The following KCNK2 variants were observed in gnomAD, a reference collection of about 807,000 sequenced individuals.
KCNK2 encodes potassium two pore domain channel subfamily K member 2.
A neutral mutation model predicts 40.5 loss-of-function variants in KCNK2; 21 were observed. The observed-to-expected ratio is 0.52, with a 90% CI of 0.37 to 0.75. The LOEUF is 0.75. Ranked by LOEUF, KCNK2 falls within the 30% of genes least tolerant of loss-of-function variation. The pLI is 0.00. For missense variants in KCNK2, 399 were observed against 531.6 expected (o/e 0.75, Z 2.45); for synonymous variants, 191 against 202.2 (o/e 0.94, Z 0.47).
chr1:215,023,031 G>C (rs1367618323), intron 1 of KCNK2, among the ~76,000 whole-genome samples: 2 of 152,214 alleles, frequency 1.3e-5, no homozygotes, highest in Non-Finnish European at 2.9e-5. Flanking sequence ...AGTATGAACA[G>C]TATGCCTGTT....
At chr1:215,129,324 T>TTTTG (rs747358943) in intron 3 of KCNK2, among the ~76,000 whole-genome samples, 1 of 152,292 alleles carries the variant, frequency 6.6e-6, no homozygotes, top group Admixed American at 6.5e-5. Flanking sequence ...TACCCCCATT[T>TTTTG]TTTGTTTGTT....
intron 1 of KCNK2, among the ~76,000 whole-genome samples, chr1:215,051,392 G>T (rs1375174285): frequency 6.6e-6 from 1 of 152,140 alleles, no homozygotes; most frequent in Non-Finnish European, 1.5e-5. Flanking sequence ...CAATTACAGA[G>T]CTGTCTTGTT....
At chr1:215,137,220 A>G (rs1360026532) in intron 3 of KCNK2, among the ~76,000 whole-genome samples, 1 of 152,206 alleles carries the variant, frequency 6.6e-6, no homozygotes, top group East Asian at 1.9e-4. Context: ...TGATCACTTA[A>G]CAAGGTCAAT....
intron 1 of KCNK2, among the ~76,000 whole-genome samples, chr1:215,055,648 T>C (rs1658132509): frequency 6.6e-6 from 1 of 152,256 alleles, no homozygotes; most frequent in African/African-American, 2.4e-5. Flanking sequence ...TTTTCTAGTC[T>C]TTCTTCTTTC....
intron 1 of KCNK2, among the ~76,000 whole-genome samples, chr1:215,056,961 T>A: frequency 6.6e-6 from 1 of 152,214 alleles, no homozygotes; most frequent in East Asian, 1.9e-4. Flanking sequence ...ATAATATGAG[T>A]ATTTATCTAA....
At chr1:215,165,505 A>G (rs952818388) in intron 3 of KCNK2, among the ~76,000 whole-genome samples, 1 of 152,186 alleles carries the variant, frequency 6.6e-6, no homozygotes, top group Non-Finnish European at 1.5e-5. Context: ...GAGGCTAAAT[A>G]CACTGATCCT....
intron 3 of KCNK2, among the ~76,000 whole-genome samples, chr1:215,147,525 T>C (rs769292704): frequency 2.0e-5 from 3 of 152,202 alleles, no homozygotes; most frequent in Non-Finnish European, 4.4e-5. Flanking sequence ...TAGCTTTGAC[T>C]CACTTTTCTA....
chr1:215,197,422 A>T (rs1664908487), intron 6 of KCNK2, among the ~76,000 whole-genome samples: 1 of 152,104 alleles, frequency 6.6e-6, no homozygotes, highest in African/African-American at 2.4e-5. Flanking sequence ...CTGTGTCTTC[A>T]TATGGCCTTT....
chr1:215,198,790 A>C (rs1664968802), intron 6 of KCNK2, among the ~76,000 whole-genome samples: 1 of 152,198 alleles, frequency 6.6e-6, no homozygotes, highest in Non-Finnish European at 1.5e-5. Context: ...TCTTCACTAA[A>C]AGATTTAACT....
intron 1 of KCNK2, among the ~76,000 whole-genome samples, chr1:215,038,318 G>C (rs1657453484): frequency 6.6e-6 from 1 of 151,958 alleles, no homozygotes; most frequent in Non-Finnish European, 1.5e-5. Flanking sequence ...CCACATGAAG[G>C]AAGTTCATGA....
At chr1:215,162,908 T>G (rs1222799479) in intron 3 of KCNK2, among the ~76,000 whole-genome samples, 1 of 151,886 alleles carries the variant, frequency 6.6e-6, no homozygotes, top group Non-Finnish European at 1.5e-5. Context: ...CTTGGCTATA[T>G]GGGCTTCTTT....
chr1:215,213,471 C>A (rs562094798), intron 6 of KCNK2, among the ~76,000 whole-genome samples: 46 of 152,128 alleles, frequency 3.0e-4, no homozygotes, highest in African/African-American at 1.1e-3. Flanking sequence ...ATTAGCCAGG[C>A]ACGATGGCGC....
At chr1:215,077,766 C>T (rs1403864207), upstream of KCNK2, among the ~76,000 whole-genome samples, 1 of 152,068 alleles carries the variant, frequency 6.6e-6, no homozygotes, top group African/African-American at 2.4e-5. Context: ...CCCTTTCTTT[C>T]CATTATGCTT....
intron 2 of KCNK2, among the ~76,000 whole-genome samples, chr1:215,124,257 A>G (rs1166372856): frequency 6.6e-6 from 1 of 152,160 alleles, no homozygotes. Context: ...AAGCTATTAT[A>G]TATTATTGTA....
intron 2 of KCNK2, among the ~76,000 whole-genome samples, chr1:215,107,953 A>G (rs1468099685): frequency 1.3e-5 from 2 of 152,184 alleles, no homozygotes; most frequent in African/African-American, 4.8e-5. Flanking sequence ...GGCATCAGGA[A>G]CCAGTTTCAT....
chr1:215,177,195 T>C (rs1013652793), intron 5 of KCNK2, among the ~76,000 whole-genome samples: 14 of 152,028 alleles, frequency 9.2e-5, no homozygotes, highest in Admixed American at 9.2e-4. Flanking sequence ...GCCCACTTTT[T>C]AATTGTGTTG....
chr1:215,137,161 GTGA>G (rs1410050320), intron 3 of KCNK2, among the ~76,000 whole-genome samples: 1 of 152,112 alleles, frequency 6.6e-6, no homozygotes, highest in African/African-American at 2.4e-5. Context: ...GCTGTTATTG[GTGA>G]TGATATTACT....
chr1:215,021,537 CTTTTTTTTTTTTTT>C (rs538476962), intron 1 of KCNK2, among the ~76,000 whole-genome samples: 1 of 96,324 alleles, frequency 1.0e-5, no homozygotes, highest in African/African-American at 4.4e-5. Context: ...GGACAACCAT[CTTTTTTTTTTTTTT>C]TTTTTTTTTT....
rs758535898 is a variant in KCNK2 at position 215,086,372 on chromosome 1, G to A, written c.51G>A (p.Ala17=). 3.1e-6 allele frequency: 5 copies of A among 1,613,136 alleles called. No homozygotes were observed. Among genetic ancestry groups the A allele is most frequent in the East Asian group, 4.5e-5 (2 of 44,888 alleles). The change falls in exon 2 of 7, where the codon GCG becomes GCA. Residue 17 remains alanine, a synonymous_variant. Transcript: ENST00000444842. ...RERPGYRAGV[A]APDLLDPKSA... ...CTCATTCTCTGTTGTTGTCAGTGGCGGCACCTGACTTGCTGGATCCTAAAT... is the reference window on the plus strand; with the variant it reads ...CTCATTCTCTGTTGTTGTCAGTGGCAGCACCTGACTTGCTGGATCCTAAAT...
Sources: allele counts gnomAD v4.1 joint callset (sites outside exome capture counted in the v4.1 genomes callset), GRCh38; gene constraint gnomAD v4.1.1; transcripts MANE v1.5; gene names NCBI Gene and HGNC (gene_info 2026-07-23, HGNC 2026-07-21).